Variants in ADGRB3 observed in about 807,000 individuals in gnomAD.
ADGRB3 encodes the protein brain-specific angiogenesis inhibitor 3.
A neutral mutation model predicts 193.4 loss-of-function variants in ADGRB3; 37 were observed. The ratio of observed to expected loss-of-function variants is 0.19; its 90% CI spans 0.15 to 0.25. The LOEUF (loss-of-function observed/expected upper bound fraction) is 0.25, where lower values mean the gene tolerates loss of function less well. Ranked by LOEUF, ADGRB3 falls within the 10% of genes least tolerant of loss-of-function variation. ADGRB3 has a pLI of 1.00. For missense variants in ADGRB3, 1,637 were observed against 1,852.9 expected (o/e 0.88, Z 2.14); for synonymous variants, 690 against 644.2 (o/e 1.07, Z -1.08).
At position 69,361,152 on chromosome 6, in the gene ADGRB3, C is replaced by A. The variant is rs553236847; in HGVS notation, c.3879C>A (p.Asp1293Glu). 6.2e-7 allele frequency: 1 copy of A among 1,612,820 alleles called. No individual in the cohort carries two copies. Among genetic ancestry groups the A allele is most frequent in the African/African-American group, 1.3e-5 (1 of 74,976 alleles). Residue 1293 changes from aspartate (D) to glutamate (E), a missense_variant, in exon 29 of 32, where the codon GAC becomes GAA. This residue lies in a region of ADGRB3 where 368 missense variants were observed against 367.4 expected (regional missense o/e 1.00). Coordinates refer to ENST00000370598, the MANE Select transcript of ADGRB3 (RefSeq NM_001704.3). ...LCTDDNLRGADMDIVHPQERM... is the reference protein window; with the variant it reads ...LCTDDNLRGAEMDIVHPQERM... ...CGGATGATAATTTGAGAGGGGCTGA[C>A]ATGGACATAGTCCATCCTCAAGAAA...
chr6:68,731,632 C>T (rs1765778207), intron 3 of ADGRB3, among the ~76,000 whole-genome samples: 2 of 151,402 alleles, frequency 1.3e-5, no homozygotes, highest in African/African-American at 2.4e-5. Context: ...CTGCTTTTTG[C>T]ATTAGTCACA....
intron 17 of ADGRB3, among the ~76,000 whole-genome samples, chr6:69,086,512 T>A (rs997001521): frequency 6.6e-6 from 1 of 152,172 alleles, no homozygotes; most frequent in African/African-American, 2.4e-5. Flanking sequence ...AATACTTTAC[T>A]TTGTCATTAT....
intron 17 of ADGRB3, among the ~76,000 whole-genome samples, chr6:69,164,427 C>T (rs567171992): frequency 4.6e-5 from 7 of 151,880 alleles, no homozygotes; most frequent in Admixed American, 3.9e-4. Context: ...GTAGAATCAG[C>T]GGTAAGCAGA....
At chr6:69,092,639 G>T (rs542947241) in intron 17 of ADGRB3, among the ~76,000 whole-genome samples, 1 of 152,274 alleles carries the variant, frequency 6.6e-6, no homozygotes, top group South Asian at 2.1e-4. Flanking sequence ...CTTCCCTTAA[G>T]AAGTTACAGT....
At chr6:69,302,875 T>G (rs1767976536) in intron 20 of ADGRB3, among the ~76,000 whole-genome samples, 1 of 151,880 alleles carries the variant, frequency 6.6e-6, no homozygotes, top group Non-Finnish European at 1.5e-5. Flanking sequence ...ACAGAGCGAA[T>G]CAAGGAAATC....
chr6:69,060,857 C>A (rs980038369), intron 15 of ADGRB3, among the ~76,000 whole-genome samples: 5 of 152,070 alleles, frequency 3.3e-5, no homozygotes, highest in Admixed American at 6.6e-5. Context: ...ATACACCATT[C>A]TCTGGGAGGC....
At chr6:68,773,963 T>A (rs1766689602) in intron 3 of ADGRB3, among the ~76,000 whole-genome samples, 1 of 152,086 alleles carries the variant, frequency 6.6e-6, no homozygotes, top group Admixed American at 6.6e-5. Context: ...AAGGTGGGGC[T>A]GTCCATGTAT....
At chr6:68,910,299 G>C (rs1302720620) in intron 3 of ADGRB3, among the ~76,000 whole-genome samples, 5 of 152,306 alleles carry the variant, frequency 3.3e-5, no homozygotes, top group African/African-American at 1.2e-4. Flanking sequence ...GTAGATTCTG[G>C]ATGTTAGCCC....
At chr6:69,094,038 T>G (rs1157313863) in intron 17 of ADGRB3, among the ~76,000 whole-genome samples, 1 of 152,142 alleles carries the variant, frequency 6.6e-6, no homozygotes, top group Non-Finnish European at 1.5e-5. Context: ...GTACTGATGC[T>G]CTTACAGGAA....
At chr6:68,763,146 A>G (rs1766444304) in intron 3 of ADGRB3, among the ~76,000 whole-genome samples, 1 of 150,756 alleles carries the variant, frequency 6.6e-6, no homozygotes, top group Admixed American at 6.7e-5. Flanking sequence ...GCTGGAGTGC[A>G]ATGGCACGAT....
intron 6 of ADGRB3, among the ~76,000 whole-genome samples, chr6:68,953,223 T>C (rs1017433300): frequency 1.3e-5 from 2 of 152,120 alleles, no homozygotes; most frequent in Admixed American, 6.6e-5. Flanking sequence ...ATTGCATTCA[T>C]AATAAATCAT....
intron 3 of ADGRB3, among the ~76,000 whole-genome samples, chr6:68,751,227 C>A (rs1251405135): frequency 6.6e-6 from 1 of 152,180 alleles, no homozygotes; most frequent in African/African-American, 2.4e-5. Flanking sequence ...CAAAACTCCT[C>A]ACTGGGTTCC....
At chr6:69,146,414 G>C (rs1451180749) in intron 17 of ADGRB3, among the ~76,000 whole-genome samples, 2 of 152,260 alleles carry the variant, frequency 1.3e-5, no homozygotes, top group Non-Finnish European at 2.9e-5. Context: ...GGGTCTCTGA[G>C]AGTGCAGAGA....
chr6:69,164,080 C>T (rs1284451703), intron 17 of ADGRB3, among the ~76,000 whole-genome samples: 2 of 152,022 alleles, frequency 1.3e-5, no homozygotes, highest in Non-Finnish European at 2.9e-5. Context: ...AGCTTTGTTT[C>T]TCCAGTATTT....
At chr6:68,882,625 T>C (rs1345810133) in intron 3 of ADGRB3, among the ~76,000 whole-genome samples, 1 of 152,198 alleles carries the variant, frequency 6.6e-6, no homozygotes, top group Non-Finnish European at 1.5e-5. Flanking sequence ...GATGATTTTC[T>C]TTTTTGTAGT....
intron 7 of ADGRB3, 34 bp from the exon 8 acceptor site, chr6:68,956,611 A>T: frequency 1.2e-6 from 2 of 1,612,320 alleles, no homozygotes; most frequent in Non-Finnish European, 1.7e-6. Flanking sequence ...TGTGTGGTAG[A>T]TGACTGACAT....
chr6:69,218,137 AAAG>A (rs553911073), intron 17 of ADGRB3, among the ~76,000 whole-genome samples: 18 of 152,186 alleles, frequency 1.2e-4, no homozygotes, highest in African/African-American at 3.9e-4. Context: ...AAAGACAAAA[AAAG>A]AAGTTGTTCT....
intron 20 of ADGRB3, among the ~76,000 whole-genome samples, chr6:69,289,663 C>T (rs1011877658): frequency 2.0e-5 from 3 of 152,266 alleles, no homozygotes; most frequent in Admixed American, 6.5e-5. Context: ...GGCATTTGAT[C>T]TTTGGCAAAT....
chr6:69,168,330 A>G (rs1202164282), intron 17 of ADGRB3, among the ~76,000 whole-genome samples: 4 of 152,278 alleles, frequency 2.6e-5, no homozygotes, highest in Non-Finnish European at 4.4e-5. Context: ...TTAAATGTGG[A>G]ATTAAAAGCA....
Sources: gnomAD v4.1 joint callset for allele counts (sites outside exome capture counted in the v4.1 genomes callset) on GRCh38, gnomAD v4.1.1 for gene constraint, gnomAD v4.1.1 regional missense constraint, MANE v1.5 for transcripts, NCBI Gene and HGNC (gene_info 2026-07-23, HGNC 2026-07-21) for gene names.